PTPRK: variants seen among roughly 807,000 people sequenced by gnomAD.
The protein encoded by PTPRK is protein tyrosine phosphatase receptor type K, also known as receptor-type tyrosine-protein phosphatase kappa.
A neutral mutation model predicts 178.0 loss-of-function variants in PTPRK; 75 were observed. That is an observed-to-expected ratio of 0.42 (90% CI 0.35 to 0.51). The LOEUF (loss-of-function observed/expected upper bound fraction) is 0.51, where lower values mean the gene tolerates loss of function less well. PTPRK is among the 20% of genes least tolerant of loss of function. The pLI, the probability that PTPRK is intolerant of heterozygous loss-of-function variation, is 0.02. For missense variants in PTPRK, 1,441 were observed against 1,797.8 expected, an observed-to-expected ratio of 0.80 and a Z score of 3.59; for synonymous variants, 637 against 620.6, an observed-to-expected ratio of 1.03 and a Z score of -0.39.
At chr6:128,204,751 C>A (rs533349109) in intron 6 of PTPRK, among the ~76,000 whole-genome samples, 1 of 151,520 alleles carries the variant, frequency 6.6e-6, no homozygotes, top group African/African-American at 2.4e-5. Context: ...TGGTGATTAT[C>A]GAAGAGTCAA....
At chr6:128,364,351 G>A (rs570673665) in intron 2 of PTPRK, among the ~76,000 whole-genome samples, 42 of 151,894 alleles carry the variant, frequency 2.8e-4, no homozygotes, top group African/African-American at 9.4e-4. Flanking sequence ...TTATCTTGTC[G>A]TATTATGGGG....
chr6:128,352,119 T>TACA (rs1434782421), intron 2 of PTPRK, among the ~76,000 whole-genome samples: 52 of 151,724 alleles, frequency 3.4e-4, no homozygotes, highest in African/African-American at 1.2e-3. Context: ...CCGGGCATGG[T>TACA]GGCGCACACC....
intron 2 of PTPRK, among the ~76,000 whole-genome samples, chr6:128,372,968 G>T (rs1836498538): frequency 6.6e-6 from 1 of 151,454 alleles, no homozygotes; most frequent in African/African-American, 2.4e-5. Flanking sequence ...CTGTAATGCT[G>T]GGAACTAATG....
At chr6:128,249,298 TAAA>T (rs10622564) in intron 3 of PTPRK, among the ~76,000 whole-genome samples, 1 of 132,834 alleles carries the variant, frequency 7.5e-6, no homozygotes, top group Non-Finnish European at 1.6e-5. Context: ...TGGTGTGATT[TAAA>T]AAAAAAAAAA....
intron 3 of PTPRK, among the ~76,000 whole-genome samples, chr6:128,287,375 C>A (rs1385653852): frequency 6.6e-6 from 1 of 152,168 alleles, no homozygotes; most frequent in Non-Finnish European, 1.5e-5. Flanking sequence ...GAATCCCATG[C>A]CCTTTTATCC....
At chr6:128,224,205 T>A (rs1169559330) in intron 5 of PTPRK, among the ~76,000 whole-genome samples, 2 of 152,182 alleles carry the variant, frequency 1.3e-5, no homozygotes, top group African/African-American at 2.4e-5. Context: ...CACTACTTTT[T>A]TTACCTGCTT....
chr6:127,980,992 TAA>T (rs915258842), intron 25 of PTPRK, 122 bp downstream of exon 25: 10 of 976,860 alleles, frequency 1.0e-5, no homozygotes, highest in Middle Eastern at 3.4e-4. Flanking sequence ...TGTGTTTCAA[TAA>T]AAGTTTCCAC....
At chr6:128,023,583 G>T (rs971162467) in intron 13 of PTPRK, among the ~76,000 whole-genome samples, 1 of 151,912 alleles carries the variant, frequency 6.6e-6, no homozygotes, top group African/African-American at 2.4e-5. Flanking sequence ...TAAACAATAT[G>T]ATTAAAACAA....
At chr6:128,436,609 T>A (rs989214917) in intron 1 of PTPRK, among the ~76,000 whole-genome samples, 16 of 152,030 alleles carry the variant, frequency 1.1e-4, no homozygotes, top group African/African-American at 2.9e-4. Flanking sequence ...TTTTTTTTTT[T>A]ATAAAATGAT....
chr6:128,003,321 TAAGA>T (rs1778054379), intron 15 of PTPRK: 1 of 1,209,976 alleles, frequency 8.3e-7, no homozygotes, highest in Non-Finnish European at 1.2e-6. Flanking sequence ...TATGCTTTCT[TAAGA>T]AATATAATTA....
intron 13 of PTPRK, among the ~76,000 whole-genome samples, chr6:128,027,046 G>A (rs1049365306): frequency 6.6e-6 from 1 of 152,098 alleles, no homozygotes; most frequent in African/African-American, 2.4e-5. Context: ...CCAGAAAACT[G>A]GGATTCTTGA....
intron 7 of PTPRK, among the ~76,000 whole-genome samples, chr6:128,161,087 A>G (rs1432298808): frequency 6.6e-6 from 1 of 151,660 alleles, no homozygotes; most frequent in Non-Finnish European, 1.5e-5. Context: ...TTTCGGTTAA[A>G]CAAATATGAT....
intron 1 of PTPRK, among the ~76,000 whole-genome samples, chr6:128,488,426 C>T (rs767515533): frequency 2.0e-5 from 3 of 152,084 alleles, no homozygotes; most frequent in Non-Finnish European, 2.9e-5. Flanking sequence ...TCCTTCAATC[C>T]GATCAAGTTG....
At chr6:128,247,320 C>A (rs1815652650) in intron 3 of PTPRK, among the ~76,000 whole-genome samples, 1 of 151,904 alleles carries the variant, frequency 6.6e-6, no homozygotes, top group Admixed American at 6.6e-5. Flanking sequence ...AACTCATATT[C>A]TTTTTCTTTT....
chr6:128,076,321 T>G (rs1783803433), intron 11 of PTPRK, among the ~76,000 whole-genome samples: 1 of 151,902 alleles, frequency 6.6e-6, no homozygotes, highest in Non-Finnish European at 1.5e-5. Context: ...AGGAATGTGG[T>G]CAGAGGAAAG....
At chr6:128,017,729 C>A (rs9388614) in intron 13 of PTPRK, among the ~76,000 whole-genome samples, 98,995 of 139,594 alleles carry the variant, frequency 0.71, 35,323 homozygotes, top group East Asian at 0.9. Context: ...CTCTCTCTCT[C>A]TATATATATA....
chr6:128,170,005 G>A (rs553424553), intron 7 of PTPRK, among the ~76,000 whole-genome samples: 1 of 151,956 alleles, frequency 6.6e-6, no homozygotes, highest in Non-Finnish European at 1.5e-5. Flanking sequence ...ATTATAGTAG[G>A]CATCTTCCTT....
At chr6:128,153,375 T>C (rs1005531163) in intron 7 of PTPRK, among the ~76,000 whole-genome samples, 1 of 151,928 alleles carries the variant, frequency 6.6e-6, no homozygotes, top group Non-Finnish European at 1.5e-5. Flanking sequence ...AAGCTATTAA[T>C]GCATAGTATA....
At chr6:128,264,207 A>T (rs1215294107) in intron 3 of PTPRK, among the ~76,000 whole-genome samples, 2 of 152,144 alleles carry the variant, frequency 1.3e-5, no homozygotes, top group African/African-American at 2.4e-5. Context: ...CTCAGGAGTG[A>T]TATTATTTGG....
Sources: allele counts gnomAD v4.1 joint callset (sites outside exome capture counted in the v4.1 genomes callset), GRCh38; gene constraint gnomAD v4.1.1; transcripts MANE v1.5; gene names NCBI Gene and HGNC (gene_info 2026-07-23, HGNC 2026-07-21).